The following SLC2A13 variants were observed in gnomAD, a reference collection of about 807,000 sequenced individuals.
SLC2A13 encodes proton myo-inositol cotransporter.
SLC2A13 carries 32 observed loss-of-function variants against 64.4 expected under a neutral mutation model. The ratio of observed to expected loss-of-function variants is 0.50; its 90% CI spans 0.37 to 0.67. The LOEUF is 0.67. Among genes scored for constraint, SLC2A13 ranks in the 30% least tolerant of loss-of-function variants. The pLI is 0.00. For missense variants in SLC2A13, 743 were observed against 829.2 expected, an observed-to-expected ratio of 0.90 and a Z score of 1.28; for synonymous variants, 338 against 327.1, an observed-to-expected ratio of 1.03 and a Z score of -0.36.
At position 40,050,536 on chromosome 12, in the gene SLC2A13, C is replaced by A. The variant is rs544996320; in HGVS notation, c.557-2326G>T. 1.2e-4 allele frequency among the ~76,000 whole-genome samples: 18 copies of A among 152,296 alleles called. No individual in the cohort carries two copies. The East Asian group carries it at 3.5e-3, about 29-fold the overall frequency. On this transcript the variant is annotated intron_variant, in intron 1 of 9. Coordinates refer to ENST00000280871, the MANE Select transcript of SLC2A13 (RefSeq NM_052885.4). ...AAAGACCTTCTGTCCAATGAGTGCT[C>A]TGGCTGACTTAACACTGCAACAACT...
rs143263704 is a variant in SLC2A13 at position 39,872,276 on chromosome 12, C to T, written c.1035-315G>A. Among the ~76,000 whole-genome samples, 453 of 152,260 alleles carry T rather than the reference C, an allele frequency of 3.0e-3. 1 individual carries two copies. Among genetic ancestry groups the T allele is most frequent in the African/African-American group, 0.01 (423 of 41,548 alleles). On this transcript the variant is annotated intron_variant, in intron 4 of 9. Transcript: ENST00000280871. ...TGGTAGTTTCACTAAAACTGTATCA[C>T]TTTAATTGGCCACATAATAAGGTTA...
intron 4 of SLC2A13, among the ~76,000 whole-genome samples, chr12:39,879,135 G>A (rs1422125148): frequency 6.6e-6 from 1 of 152,276 alleles, no homozygotes; most frequent in Non-Finnish European, 1.5e-5. Context: ...AGTGAAGAAT[G>A]CTTGGCAGCC....
chr12:39,779,783 T>C (rs529799075), intron 7 of SLC2A13, among the ~76,000 whole-genome samples: 24 of 152,370 alleles, frequency 1.6e-4, no homozygotes, highest in Non-Finnish European at 2.6e-4. Context: ...AAAATCTATC[T>C]GTATCATCCT....
chr12:39,901,110 T>C (rs755906802), intron 4 of SLC2A13, among the ~76,000 whole-genome samples: 18 of 151,860 alleles, frequency 1.2e-4, no homozygotes, highest in Non-Finnish European at 2.1e-4. Context: ...ATTTAATAAA[T>C]GGTGTGGGGA....
intron 6 of SLC2A13, chr12:39,830,429 CACAGCAA>C: frequency 7.8e-7 from 1 of 1,287,240 alleles, no homozygotes; most frequent in Non-Finnish European, 9.9e-7. Context: ...CTCTTTTGGC[CACAGCAA>C]CTTTGGAAGT....
chr12:39,878,756 G>C (rs1233537527), intron 4 of SLC2A13, among the ~76,000 whole-genome samples: 1 of 152,216 alleles, frequency 6.6e-6, no homozygotes, highest in East Asian at 1.9e-4. Flanking sequence ...AGCTTTTTTG[G>C]GAGAGGAATT....
chr12:40,089,517 T>G (rs1242899742), intron 1 of SLC2A13, among the ~76,000 whole-genome samples: 1 of 152,170 alleles, frequency 6.6e-6, no homozygotes, highest in Non-Finnish European at 1.5e-5. Flanking sequence ...TTGAGAATTT[T>G]AGAATCAAGC....
intron 3 of SLC2A13, among the ~76,000 whole-genome samples, chr12:39,997,706 T>C (rs1947255449): frequency 1.3e-5 from 2 of 152,140 alleles, no homozygotes; most frequent in South Asian, 4.1e-4. Flanking sequence ...TGGCGGGTGC[T>C]TGTAGTCCCA....
chr12:39,838,259 C>T (rs1943074425), intron 6 of SLC2A13, among the ~76,000 whole-genome samples: 1 of 149,038 alleles, frequency 6.7e-6, no homozygotes, highest in South Asian at 2.1e-4. Context: ...CCAAACACCG[C>T]ATATTCTCAC....
At chr12:39,860,159 G>A (rs1445243001) in intron 6 of SLC2A13, among the ~76,000 whole-genome samples, 2 of 152,296 alleles carry the variant, frequency 1.3e-5, no homozygotes, top group South Asian at 4.2e-4. Context: ...AAGAATAGGT[G>A]GTTAGTCTGT....
intron 3 of SLC2A13, among the ~76,000 whole-genome samples, chr12:39,991,638 C>T (rs1009745311): frequency 6.6e-6 from 1 of 152,182 alleles, no homozygotes; most frequent in Non-Finnish European, 1.5e-5. Context: ...GCCCCTTTGT[C>T]CTCTGCTGCT....
At chr12:39,947,958 C>A (rs1042363591) in intron 4 of SLC2A13, among the ~76,000 whole-genome samples, 1 of 152,082 alleles carries the variant, frequency 6.6e-6, no homozygotes, top group Non-Finnish European at 1.5e-5. Flanking sequence ...CCGCGCCTGG[C>A]CGAGAATTTC....
chr12:39,914,011 C>T (rs1159519465), intron 4 of SLC2A13, among the ~76,000 whole-genome samples: 1 of 151,802 alleles, frequency 6.6e-6, no homozygotes, highest in Non-Finnish European at 1.5e-5. Flanking sequence ...AAGTAAAATT[C>T]AATACAATTT....
chr12:40,024,406 A>T (rs1947771095), intron 3 of SLC2A13, among the ~76,000 whole-genome samples: 3 of 152,180 alleles, frequency 2.0e-5, no homozygotes, highest in Admixed American at 2.0e-4. Context: ...GGCCCACTTA[A>T]TAAAACAGAA....
chr12:40,100,874 A>G (rs1262585429), intron 1 of SLC2A13, among the ~76,000 whole-genome samples: 1 of 150,190 alleles, frequency 6.7e-6, no homozygotes. Flanking sequence ...CTGAGGCAGG[A>G]GAATCGCTTG....
At chr12:40,062,481 A>G (rs1462755225) in intron 1 of SLC2A13, among the ~76,000 whole-genome samples, 1 of 152,060 alleles carries the variant, frequency 6.6e-6, no homozygotes, top group Non-Finnish European at 1.5e-5. Context: ...GCAAAACAGA[A>G]AAAAAAGCAT....
intron 7 of SLC2A13, among the ~76,000 whole-genome samples, chr12:39,804,471 A>G (rs1941902399): frequency 6.6e-6 from 1 of 152,232 alleles, no homozygotes; most frequent in South Asian, 2.1e-4. Flanking sequence ...TAATAATAAT[A>G]ACCTGTCAAA....
intron 7 of SLC2A13, among the ~76,000 whole-genome samples, chr12:39,825,994 A>G (rs527324453): frequency 6.6e-6 from 1 of 152,200 alleles, no homozygotes; most frequent in East Asian, 1.9e-4. Flanking sequence ...GGGGTGATAA[A>G]TATCTTTCTG....
intron 1 of SLC2A13, among the ~76,000 whole-genome samples, chr12:40,062,394 A>AT (rs397771039): frequency 6.6e-6 from 1 of 151,370 alleles, no homozygotes; most frequent in Non-Finnish European, 1.5e-5. Flanking sequence ...GGAAAAAAAA[A>AT]TCCCAAAACC....
Sources: gnomAD v4.1 joint callset for allele counts (sites outside exome capture counted in the v4.1 genomes callset) on GRCh38, gnomAD v4.1.1 for gene constraint, MANE v1.5 for transcripts, NCBI Gene and HGNC (gene_info 2026-07-23, HGNC 2026-07-21) for gene names.